The following ULK4 variants were observed in gnomAD, a reference collection of about 807,000 sequenced individuals.
ULK4 encodes unc-51 like kinase 4.
Under a neutral mutation model 160.6 loss-of-function variants are expected in ULK4, and 133 were observed. The ratio of observed to expected loss-of-function variants is 0.83; its 90% confidence interval spans 0.72 to 0.96. The LOEUF (loss-of-function observed/expected upper bound fraction) is 0.96. ULK4 is among the 40% of genes least tolerant of loss of function. ULK4 has a pLI of 0.00. For synonymous variants in ULK4, 534 were observed against 539.8 expected (o/e 0.99, Z 0.15); for missense variants, 1,580 against 1,499.5 (o/e 1.05, Z -0.89).
In ULK4 at chr3:41,396,585, G is replaced by A. The variant is rs575508430; in HGVS notation, c.3678+1494C>T. ...ACTGTAAAAGATGAGAGCTTGAGAGGCCTGCTCTGTTAAAAAGGGAAATTC... is the reference window on the plus strand; with the variant it reads ...ACTGTAAAAGATGAGAGCTTGAGAGACCTGCTCTGTTAAAAAGGGAAATTC... On this transcript the variant is annotated intron_variant, in intron 35 of 36. Transcript: ENST00000301831. Among the ~76,000 whole-genome samples, 6 of 152,218 alleles carry A rather than the reference G, an allele frequency of 3.9e-5. No individual in the cohort carries two copies. The South Asian group carries it at 1.0e-3, about 26-fold the overall frequency.
chr3:41,956,945 ATGT>A (rs1262909596), intron 1 of ULK4, among the ~76,000 whole-genome samples: 4 of 152,202 alleles, frequency 2.6e-5, no homozygotes, highest in Non-Finnish European at 4.4e-5. Context: ...AAATCAAGTG[ATGT>A]TGTTGTTGTT....
intron 32 of ULK4, among the ~76,000 whole-genome samples, chr3:41,499,866 C>A (rs1040918832): frequency 6.6e-6 from 1 of 152,132 alleles, no homozygotes; most frequent in East Asian, 1.9e-4. Flanking sequence ...GAATTATATT[C>A]ACCTTGGTTA....
At position 41,896,348 on chromosome 3, in the gene ULK4, G is replaced by A. The variant is rs191603065; in HGVS notation, c.1530+474C>T. 1.0e-3 allele frequency among the ~76,000 whole-genome samples: 159 copies of A among 152,020 alleles called. 1 individual carries two copies. Among genetic ancestry groups the A allele is most frequent in the African/African-American group, 3.5e-3 (144 of 41,460 alleles). On this transcript the variant is annotated intron_variant, in intron 15 of 36. Transcript: ENST00000301831. ...CAGCTCACTGCAACCTCTGCCTCCC[G>A]GGTTCAAGTGATTCTCCTGCCTCAG...
intron 12 of ULK4, among the ~76,000 whole-genome samples, chr3:41,904,901 T>A (rs1698499412): frequency 6.6e-6 from 1 of 152,178 alleles, no homozygotes; most frequent in South Asian, 2.1e-4. Flanking sequence ...CACTTAACAT[T>A]GTTAAAATGG....
At chr3:41,396,865 G>A (rs1403832598) in intron 35 of ULK4, among the ~76,000 whole-genome samples, 3 of 152,088 alleles carry the variant, frequency 2.0e-5, no homozygotes, top group Non-Finnish European at 1.5e-5. Flanking sequence ...TCTTGTTTTG[G>A]GGTTGGGGGG....
At chr3:41,506,775 T>A (rs369481301) in intron 32 of ULK4, among the ~76,000 whole-genome samples, 3,891 of 17,376 alleles carry the variant, frequency 0.22, 613 homozygotes, top group Non-Finnish European at 0.38. Context: ...AAAATATATA[T>A]ATATATATAT....
At chr3:41,280,810 G>A (rs889188357) in intron 35 of ULK4, among the ~76,000 whole-genome samples, 1 of 152,120 alleles carries the variant, frequency 6.6e-6, no homozygotes, top group African/African-American at 2.4e-5. Flanking sequence ...ACTAAGATCA[G>A]AGCAGAACTG....
At chr3:41,822,001 G>A (rs888911021) in intron 18 of ULK4, among the ~76,000 whole-genome samples, 8 of 151,916 alleles carry the variant, frequency 5.3e-5, no homozygotes, top group Non-Finnish European at 7.4e-5. Context: ...TTGCTCCTGC[G>A]TTGCTTACTC....
intron 32 of ULK4, among the ~76,000 whole-genome samples, chr3:41,550,540 A>G (rs2087023586): frequency 6.6e-6 from 1 of 152,070 alleles, no homozygotes; most frequent in South Asian, 2.1e-4. Flanking sequence ...CACGAAAAAG[A>G]AACAAGATCA....
chr3:41,596,925 T>C (rs2031734423), intron 31 of ULK4, among the ~76,000 whole-genome samples: 1 of 152,130 alleles, frequency 6.6e-6, no homozygotes, highest in Non-Finnish European at 1.5e-5. Context: ...GATAACTGTT[T>C]TGGGGGTTGC....
intron 35 of ULK4, among the ~76,000 whole-genome samples, chr3:41,271,672 G>C (rs1050477835): frequency 1.1e-4 from 16 of 152,194 alleles, no homozygotes; most frequent in Non-Finnish European, 8.8e-5. Context: ...GGGATTACAG[G>C]CGTGAGCCAC....
chr3:41,578,144 A>G (rs1041090339), intron 31 of ULK4, among the ~76,000 whole-genome samples: 1 of 152,186 alleles, frequency 6.6e-6, no homozygotes, highest in African/African-American at 2.4e-5. Context: ...TAAAGAGGTG[A>G]TAGTCATCTT....
chr3:41,538,134 T>A (rs1318299376), intron 32 of ULK4, among the ~76,000 whole-genome samples: 1 of 152,116 alleles, frequency 6.6e-6, no homozygotes. Flanking sequence ...GGCAGTAAAT[T>A]CTCCAGCTTT....
chr3:41,428,125 CA>C (rs1223129627), intron 34 of ULK4, among the ~76,000 whole-genome samples: 7 of 150,582 alleles, frequency 4.6e-5, no homozygotes. Flanking sequence ...ACACCAACAA[CA>C]GGCAAGTAGA....
At chr3:41,262,981 G>GT (rs1463963552) in intron 35 of ULK4, among the ~76,000 whole-genome samples, 1 of 152,172 alleles carries the variant, frequency 6.6e-6, no homozygotes. Flanking sequence ...TAAATGGGAG[G>GT]TTGGCCCAAA....
chr3:41,431,950 C>T (rs902690846), intron 34 of ULK4, among the ~76,000 whole-genome samples: 1 of 151,744 alleles, frequency 6.6e-6, no homozygotes, highest in Non-Finnish European at 1.5e-5. Flanking sequence ...CCACCACGCC[C>T]GGCTAATTTT....
intron 32 of ULK4, among the ~76,000 whole-genome samples, chr3:41,491,520 A>G (rs2084763560): frequency 6.6e-6 from 1 of 152,124 alleles, no homozygotes; most frequent in South Asian, 2.1e-4. Flanking sequence ...GTACAAAAAT[A>G]TGGCATTTCA....
intron 29 of ULK4, among the ~76,000 whole-genome samples, chr3:41,677,504 TG>T (rs1409272943): frequency 6.6e-6 from 1 of 151,918 alleles, no homozygotes; most frequent in Non-Finnish European, 1.5e-5. Context: ...GCTAATTTTT[TG>T]TATCTTTAGT....
intron 32 of ULK4, among the ~76,000 whole-genome samples, chr3:41,471,067 C>T (rs1014469953): frequency 4.0e-5 from 6 of 151,228 alleles, no homozygotes; most frequent in African/African-American, 1.2e-4. Flanking sequence ...AACAAAAAAC[C>T]ACAAAACTAG....
Sources: allele counts gnomAD v4.1 joint callset (sites outside exome capture counted in the v4.1 genomes callset), GRCh38; gene constraint gnomAD v4.1.1; transcripts MANE v1.5; gene names NCBI Gene and HGNC (gene_info 2026-07-23, HGNC 2026-07-21).